The following FAM184A variants were observed in gnomAD, a reference collection of about 807,000 sequenced individuals.
FAM184A encodes protein FAM184A.
A neutral mutation model predicts 143.8 loss-of-function variants in FAM184A; 99 were observed. The ratio of observed to expected loss-of-function variants is 0.69; its 90% CI spans 0.58 to 0.81. The LOEUF (loss-of-function observed/expected upper bound fraction) is 0.81, where lower values mean the gene tolerates loss of function less well. FAM184A is among the 40% of genes least tolerant of loss of function. The pLI, the probability that FAM184A is intolerant of heterozygous loss-of-function variation, is 0.00. For missense variants in FAM184A, 1,217 were observed against 1,310.5 expected (o/e 0.93, Z 1.10); for synonymous variants, 427 against 446.4 (o/e 0.96, Z 0.55).
intron 1 of FAM184A, among the ~76,000 whole-genome samples, chr6:119,116,883 A>C (rs548594539): frequency 2.0e-5 from 3 of 152,350 alleles, no homozygotes; most frequent in African/African-American, 7.2e-5. Flanking sequence ...GGGCATCTGG[A>C]GAGGAAGCAG....
At chr6:119,145,434 C>T (rs1301350420) in intron 1 of FAM184A, among the ~76,000 whole-genome samples, 1 of 152,096 alleles carries the variant, frequency 6.6e-6, no homozygotes, top group Admixed American at 6.6e-5. Context: ...CGATCTGATT[C>T]CTGCTGGGAC....
intron 5 of FAM184A, among the ~76,000 whole-genome samples, chr6:119,012,129 G>A (rs1221737311): frequency 6.6e-6 from 1 of 152,126 alleles, no homozygotes; most frequent in East Asian, 1.9e-4. Context: ...AGGAAGAAAA[G>A]GTGATGGAGC....
intron 5 of FAM184A, among the ~76,000 whole-genome samples, chr6:119,015,587 C>T (rs571826645): frequency 7.2e-5 from 11 of 152,354 alleles, no homozygotes; most frequent in African/African-American, 1.9e-4. Context: ...GACTGCAGCC[C>T]GCCATGCCTG....
Position 118,974,487 on chromosome 6 carries a change from C to A in FAM184A, c.2856G>T (p.Arg952=). 2 of 1,612,660 alleles carry A rather than the reference C, an allele frequency of 1.2e-6. No homozygotes were observed. Among genetic ancestry groups the A allele is most frequent in the South Asian group, 2.2e-5 (2 of 90,886 alleles). ...ADHLREKNIM[R]ADFNKTNELL... ...GCTCGTTAGTCTTATTAAAATCTGC[C>A]CGCATGATATTTTTCTCTCTGAGGT... Residue 952 remains arginine, a synonymous_variant, in exon 14 of 18, where the codon CGG becomes CGT. Transcript: ENST00000338891.
At chr6:119,117,380 AGCAATGCCCTGGCAGGGCTTCCT>A (rs1279288670) in intron 1 of FAM184A, among the ~76,000 whole-genome samples, 1 of 152,268 alleles carries the variant, frequency 6.6e-6, no homozygotes, top group Non-Finnish European at 1.5e-5. Flanking sequence ...ATGTTCAATT[AGCAATGCCCTGGCAGGGCTTCCT>A]GGCTAGTCCT....
At chr6:119,128,108 A>T (rs1488245492) in intron 1 of FAM184A, among the ~76,000 whole-genome samples, 85 of 152,294 alleles carry the variant, frequency 5.6e-4, no homozygotes, top group African/African-American at 2.0e-3. Context: ...TACCATTAAC[A>T]TTAAAACAGA....
rs756925970 is a variant in FAM184A, at chr6:119,025,569, T to C, written c.160-756A>G. 8.9e-5 allele frequency: 46 copies of C among 518,978 alleles called. No individual in the cohort carries two copies. In the Middle Eastern group the frequency reaches 9.5e-4, roughly 11 times the overall value. The allele number at this position is 518,978 out of a possible 1,614,324, so 32.1% of individuals were successfully genotyped here. On this transcript the variant is annotated intron_variant, in intron 1 of 17. Transcript: ENST00000338891. Reference sequence around the variant, plus strand: ...ATTTTAGTTCCTAGGTTTTAATGATTTCACTGAGATGTCCCAACCTTAATT... The same window carrying C: ...ATTTTAGTTCCTAGGTTTTAATGATCTCACTGAGATGTCCCAACCTTAATT...
At chr6:119,036,447 C>T (rs1451940470) in intron 1 of FAM184A, among the ~76,000 whole-genome samples, 1 of 151,950 alleles carries the variant, frequency 6.6e-6, no homozygotes, top group Non-Finnish European at 1.5e-5. Context: ...GATATATTTC[C>T]TCGCTGTATG....
intron 15 of FAM184A, among the ~76,000 whole-genome samples, chr6:118,965,453 TA>T (rs1006384642): frequency 2.6e-5 from 4 of 152,164 alleles, no homozygotes; most frequent in Non-Finnish European, 5.9e-5. Context: ...ATTGCCCACA[TA>T]GAGATAAAAC....
At position 119,017,477 on chromosome 6, in the gene FAM184A, G is replaced by A. The variant is rs369681323; in HGVS notation, c.1333-533C>T. On this transcript the variant is annotated intron_variant, in intron 4 of 17. Transcript: ENST00000338891. ...TGCACCACTGCACTCCAGCCTGGGCGACAGAGCGAGACTCCATCTCAAAAA... is the reference window on the plus strand; with the variant it reads ...TGCACCACTGCACTCCAGCCTGGGCAACAGAGCGAGACTCCATCTCAAAAA... Among the ~76,000 whole-genome samples, 31 of 149,108 alleles carry A rather than the reference G, an allele frequency of 2.1e-4. 1 individual carries two copies. Among genetic ancestry groups the A allele is most frequent in the African/African-American group, 7.2e-4 (29 of 40,386 alleles).
At chr6:119,040,083 T>C (rs920102273) in intron 1 of FAM184A, among the ~76,000 whole-genome samples, 1 of 152,246 alleles carries the variant, frequency 6.6e-6, no homozygotes, top group South Asian at 2.1e-4. Context: ...TTAATCTTCA[T>C]ATGCCTGCGT....
At chr6:118,989,982 C>T (rs187116089) in intron 9 of FAM184A, among the ~76,000 whole-genome samples, 2,836 of 151,958 alleles carry the variant, frequency 0.019, 99 homozygotes, top group African/African-American at 0.066. Flanking sequence ...GTGCCCACCA[C>T]CATGCCCAGC....
chr6:119,091,732 G>A (rs540552408), intron 1 of FAM184A, among the ~76,000 whole-genome samples: 19 of 152,356 alleles, frequency 1.2e-4, no homozygotes, highest in African/African-American at 4.6e-4. Flanking sequence ...CTGGAGGGAG[G>A]ATGAGGGATC....
chr6:119,071,992 G>C (rs1431365685), intron 1 of FAM184A, among the ~76,000 whole-genome samples: 1 of 149,124 alleles, frequency 6.7e-6, no homozygotes, highest in South Asian at 2.1e-4. Flanking sequence ...CTCCCAAGTA[G>C]CTGGGATTAC....
intron 2 of FAM184A, among the ~76,000 whole-genome samples, 175 bp from the exon 3 acceptor site, chr6:119,023,255 C>T (rs556636578): frequency 6.6e-6 from 1 of 152,202 alleles, no homozygotes; most frequent in South Asian, 2.1e-4. Context: ...AAACATGACC[C>T]AATCAGGAAA....
At chr6:119,132,744 T>A (rs1319585843) in intron 1 of FAM184A, among the ~76,000 whole-genome samples, 1 of 152,250 alleles carries the variant, frequency 6.6e-6, no homozygotes, top group African/African-American at 2.4e-5. Flanking sequence ...GTGACCCAAG[T>A]CATTGCTGCA....
intron 1 of FAM184A, among the ~76,000 whole-genome samples, chr6:119,085,399 G>A (rs1451046572): frequency 6.6e-6 from 1 of 152,146 alleles, no homozygotes; most frequent in Non-Finnish European, 1.5e-5. Context: ...ATTTGCTAAG[G>A]CATAACAAAA....
chr6:118,991,751 CTTTTTTTTTTTTT>C (rs61476918), intron 9 of FAM184A, among the ~76,000 whole-genome samples: 6 of 42,376 alleles, frequency 1.4e-4, no homozygotes, highest in African/African-American at 2.0e-4. Flanking sequence ...CCTGAGAGGA[CTTTTTTTTTTTTT>C]TTTTTTTTTT....
At chr6:119,044,306 G>A (rs1471589210) in intron 1 of FAM184A, among the ~76,000 whole-genome samples, 2 of 152,038 alleles carry the variant, frequency 1.3e-5, no homozygotes, top group Non-Finnish European at 2.9e-5. Context: ...GCTAATAAAC[G>A]AATTCAGCAA....
Sources: gnomAD v4.1 joint callset for allele counts (sites outside exome capture counted in the v4.1 genomes callset) on GRCh38, gnomAD v4.1.1 for gene constraint, MANE v1.5 for transcripts, NCBI Gene and HGNC (gene_info 2026-07-23, HGNC 2026-07-21) for gene names.